Variants in DGKQ observed in about 807,000 individuals in gnomAD.
The protein encoded by DGKQ is DAG kinase theta.
A neutral mutation model predicts 104.2 loss-of-function variants in DGKQ; 97 were observed. That is an observed-to-expected ratio of 0.93 (90% CI 0.79 to 1.10). DGKQ has a LOEUF of 1.10. Ranked by LOEUF, DGKQ falls within the 50% of genes least tolerant of loss-of-function variation. The pLI, the probability that DGKQ is intolerant of heterozygous loss-of-function variation, is 0.00. For missense variants in DGKQ, 1,465 were observed against 1,352.1 expected (o/e 1.08, Z -1.31); for synonymous variants, 736 against 595.2 (o/e 1.24, Z -3.44).
Position 959,581 on chromosome 4 carries a change from T to G in DGKQ, c.*1039A>C, listed in dbSNP as rs1160336190. On this transcript the variant is annotated 3_prime_UTR_variant, in exon 23 of 23. Transcript: ENST00000273814. ...GTGGGAGCAGGAGGGCTGCAGGAGC[T>G]GGGTCTCCACACGCTGACGAGGGAT... 6.6e-6 allele frequency: 1 copy of G among 152,486 alleles called. No individual in the cohort carries two copies. The highest frequency in any genetic ancestry group is 1.5e-5 in the Non-Finnish European group (1 of 68,220). The allele number at this position is 152,486 out of a possible 1,614,324, so 9.4% of individuals were successfully genotyped here.
Position 973,566 on chromosome 4 carries a change from G to GACTGCGCCTGCCCC in DGKQ, c.-85_-84insGGGGCAGGCGCAGT, listed in dbSNP as rs1162822373. ...CTCCACGGCCCGGTACACTGCTTCC[G>GACTGCGCCTGCCCC]ACTGCGCCTGCCCCACTGCGCAGGC... On this transcript the variant is annotated 5_prime_UTR_variant, in exon 1 of 23. Coordinates refer to ENST00000273814, the MANE Select transcript of DGKQ (RefSeq NM_001347.4). 1.0e-6 allele frequency: 1 copy of GACTGCGCCTGCCCC among 977,860 alleles called. No individual in the cohort carries two copies. The highest frequency in any genetic ancestry group is 1.8e-5 in the African/African-American group (1 of 56,956). The allele number at this position is 977,860 out of a possible 1,614,324, so 60.6% of individuals were successfully genotyped here.
Position 961,587 on chromosome 4 carries a change from TAA to T in DGKQ, c.2463-11_2463-10del. The T allele has an allele frequency of 6.2e-7, 1 of 1,609,782 alleles. No homozygotes were observed. The highest frequency in any genetic ancestry group is 8.5e-7 in the Non-Finnish European group (1 of 1,178,796). On this transcript the variant is annotated splice_polypyrimidine_tract_variant and intron_variant, in intron 20 of 22. Transcript: ENST00000273814. Reference sequence around the variant, plus strand: ...CGGCCCCCGAGCCCCAGCTGCCGCATAAGAGAGCGGGCACAGAGGTGTAGGTG... The same window carrying T: ...CGGCCCCCGAGCCCCAGCTGCCGCATGAGAGCGGGCACAGAGGTGTAGGTG...
chr4:968,450 C>G (rs1295159759), intron 4 of DGKQ, 29 bp downstream of exon 4: 2 of 1,595,194 alleles, frequency 1.3e-6, no homozygotes, highest in East Asian at 2.3e-5. Context: ...GCCCCACCCC[C>G]CAGGGCTCCC....
At chr4:965,037 C>T in intron 15 of DGKQ, 139 bp downstream of exon 15, 1 of 671,222 alleles carries the variant, frequency 1.5e-6, no homozygotes, top group South Asian at 1.8e-5. Context: ...GTGGCACCTA[C>T]AAGCCCCCAG....
intron 15 of DGKQ, among the ~76,000 whole-genome samples, chr4:964,520 G>T (rs556501230): frequency 1.5e-4 from 23 of 148,960 alleles, no homozygotes; most frequent in Non-Finnish European, 2.7e-4. Context: ...TGTCTCCACG[G>T]ACCAGACCCC....
Position 966,022 on chromosome 4 carries a change from T to C in DGKQ, c.1485A>G (p.Val495=), listed in dbSNP as rs751246623. 1.2e-6 allele frequency: 2 copies of C among 1,605,064 alleles called. No individual in the cohort carries two copies. Among genetic ancestry groups the C allele is most frequent in the Non-Finnish European group, 1.7e-6 (2 of 1,176,846 alleles). ...TRFYVAESRD[V]APHVSLFVGG... ...CAACAAACAGGGAGACGTGCGGGGC[T>C]ACATCCCTGCTCTCTGCCACGTAGA... Residue 495 remains valine, a synonymous_variant, in exon 13 of 23, where the codon GTA becomes GTG. Coordinates refer to ENST00000273814, the MANE Select transcript of DGKQ (RefSeq NM_001347.4).
rs555718285 is a variant in DGKQ, at chr4:959,390, G to A, written c.*1230C>T. On this transcript the variant is annotated 3_prime_UTR_variant, in exon 23 of 23. Coordinates refer to ENST00000273814, the MANE Select transcript of DGKQ (RefSeq NM_001347.4). ...TCCGCACCGTGGGACCGTTTCTCGT[G>A]GGGGAGTCGGGGCTTCCCCACAGAG... is the stretch of plus-strand genomic sequence containing the variant. 8.9e-6 allele frequency: 1 copy of A among 111,922 alleles called. No homozygotes were observed. The highest frequency in any genetic ancestry group is 2.6e-4 in the East Asian group (1 of 3,872). 6.9% of individuals were successfully genotyped at this position (111,922 alleles called of 1,614,324 possible).
At chr4:970,100 C>T (rs940643440) in intron 2 of DGKQ, among the ~76,000 whole-genome samples, 15 of 152,274 alleles carry the variant, frequency 9.9e-5, no homozygotes, top group African/African-American at 3.6e-4. Flanking sequence ...CCAGGACCAC[C>T]GGCCTAAGGC....
At position 968,611 on chromosome 4, in the gene DGKQ, C is replaced by T. The variant is rs768761597; in HGVS notation, c.452-47G>A. On this transcript the variant is annotated intron_variant, in intron 3 of 22. Coordinates refer to ENST00000273814, the MANE Select transcript of DGKQ (RefSeq NM_001347.4). The stretch of plus-strand genomic sequence containing the variant: ...AGGTGTCTGCCGCCCCCGGAGGACC[C>T]CTGCCTCTGCCGGTGCTTGGGTCTG... 3.3e-6 allele frequency: 5 copies of T among 1,529,640 alleles called. No homozygotes were observed. In the Admixed American group the frequency reaches 5.9e-5, roughly 18 times the overall value. 94.8% of individuals were successfully genotyped at this position (1,529,640 alleles called of 1,614,324 possible). A position where few individuals can be genotyped will look rare whatever the true frequency, so the allele number is the denominator to read the frequency against.
intron 8 of DGKQ, 62 bp from the exon 9 acceptor site, chr4:967,423 C>T (rs1013363696): frequency 9.0e-5 from 101 of 1,125,592 alleles, no homozygotes; most frequent in East Asian, 1.7e-4. Context: ...CAGTGGGGGG[C>T]AGGTCATGGA....
At chr4:970,718 C>G (rs572210638) in intron 2 of DGKQ, among the ~76,000 whole-genome samples, 50 of 152,164 alleles carry the variant, frequency 3.3e-4, no homozygotes, top group African/African-American at 1.1e-3. Context: ...CTGGAAACCT[C>G]TCTACATCTG....
Position 961,456 on chromosome 4 carries a change from C to CG in DGKQ, c.2574+10dup. 1 of 1,581,048 alleles carries CG rather than the reference C, an allele frequency of 6.3e-7. No individual in the cohort carries two copies. Among genetic ancestry groups the CG allele is most frequent in the Non-Finnish European group, 8.6e-7 (1 of 1,166,934 alleles). On this transcript the variant is annotated intron_variant, in intron 21 of 22. Transcript: ENST00000273814. Reference sequence around the variant, plus strand: ...CCCTGGGCTCGCCCGCCCACTCGGCCGGCGGCTCACCATGTGCACGACGCC... The same window carrying CG: ...CCCTGGGCTCGCCCGCCCACTCGGCCGGGCGGCTCACCATGTGCACGACGCC...
chr4:965,650 A>G, intron 13 of DGKQ, 121 bp from the exon 14 acceptor site: 2 of 1,154,574 alleles, frequency 1.7e-6, no homozygotes, highest in Non-Finnish European at 2.5e-6. Context: ...CTCCCCAGGA[A>G]GTACCCCTGC....
At chr4:967,445 G>A in intron 8 of DGKQ, 84 bp from the exon 9 acceptor site, 1 of 1,398,102 alleles carries the variant, frequency 7.2e-7, no homozygotes, top group East Asian at 2.5e-5. Context: ...GGGGAGGCCA[G>A]GTGGGTGAGG....
rs556302649 is a variant in DGKQ at position 966,137 on chromosome 4, C to T, written c.1429-59G>A. ...GAGAACGGCACCACCGCACCAGGCC[C>T]TCTGTCTCCTCACCCGCAAAACAGC... On this transcript the variant is annotated intron_variant, in intron 12 of 22. Transcript: ENST00000273814. 6 of 1,506,092 alleles carry T rather than the reference C, an allele frequency of 4.0e-6. No homozygotes were observed. The Admixed American group carries it at 6.1e-5, about 15-fold the overall frequency. 93.3% of individuals were successfully genotyped at this position (1,506,092 alleles called of 1,614,324 possible). A position where few individuals can be genotyped will look rare whatever the true frequency, so the allele number is the denominator to read the frequency against.
At position 960,461 on chromosome 4, in the gene DGKQ, G is replaced by A; in HGVS notation, c.*159C>T. 1 of 648,328 alleles carries A rather than the reference G, an allele frequency of 1.5e-6. No individual in the cohort carries two copies. The highest frequency in any genetic ancestry group is 1.7e-5 in the South Asian group (1 of 57,224). The allele number at this position is 648,328 out of a possible 1,614,324, so 40.2% of individuals were successfully genotyped here. A position where few individuals can be genotyped will look rare whatever the true frequency, so the allele number is the denominator to read the frequency against. ...TGTGTCACCAATGGGATGAGGGCGG[G>A]TCCCGCTCCGTCACTGGGAAGATGC... On this transcript the variant is annotated 3_prime_UTR_variant, in exon 23 of 23. Coordinates refer to ENST00000273814, the MANE Select transcript of DGKQ (RefSeq NM_001347.4).
chr4:968,773 C>G, intron 3 of DGKQ, 38 bp downstream of exon 3: 1 of 1,569,752 alleles, frequency 6.4e-7, no homozygotes, highest in East Asian at 2.3e-5. Flanking sequence ...CAGCAGAGAC[C>G]AGGACACTGG....
chr4:970,131 A>G (rs1177823592), intron 2 of DGKQ, among the ~76,000 whole-genome samples: 1 of 152,208 alleles, frequency 6.6e-6, no homozygotes, highest in African/African-American at 2.4e-5. Context: ...CACCCGGGGA[A>G]CTGCATCATT....
chr4:973,273 C>T lies in DGKQ; in HGVS notation c.210G>A (p.Lys70=), dbSNP rs1379453403. The T allele has an allele frequency of 6.5e-7, 1 of 1,545,630 alleles. No homozygotes were observed. Among genetic ancestry groups the T allele is most frequent in the East Asian group, 2.7e-5 (1 of 36,476 alleles). The change falls in exon 1 of 23, where the codon AAG becomes AAA. Residue 70 remains lysine, a synonymous_variant. Transcript: ENST00000273814. The part of the protein sequence containing the change: ...GHSFRKVTLT[K]PTFCHLCSDF... ...CGGAGCAGAGGTGGCAGAAGGTGGG[C>T]TTGGTGAGCGTCACCTTCCGGAAGC...
Sources: allele counts gnomAD v4.1 joint callset (sites outside exome capture counted in the v4.1 genomes callset), GRCh38; gene constraint gnomAD v4.1.1; transcripts MANE v1.5; gene names NCBI Gene and HGNC (gene_info 2026-07-23, HGNC 2026-07-21).